Variants in CDH13 observed in about 807,000 individuals in gnomAD.
The protein encoded by CDH13 is cadherin-13.
A neutral mutation model predicts 63.8 loss-of-function variants in CDH13; 24 were observed. The ratio of observed to expected loss-of-function variants is 0.38; its 90% confidence interval spans 0.27 to 0.53. The LOEUF is 0.53. CDH13 is among the 20% of genes least tolerant of loss of function. The pLI, the probability that CDH13 is intolerant of heterozygous loss-of-function variation, is 0.85. For synonymous variants in CDH13, 503 were observed against 355.3 expected (o/e 1.42, Z -4.67); for missense variants, 1,049 against 903.1 (o/e 1.16, Z -2.07).
intron 5 of CDH13, among the ~76,000 whole-genome samples, chr16:83,333,805 T>C (rs947743380): frequency 1.3e-5 from 2 of 152,192 alleles, no homozygotes; most frequent in Non-Finnish European, 2.9e-5. Flanking sequence ...ACCTGTTGTT[T>C]CGGCTTCATT....
intron 2 of CDH13, among the ~76,000 whole-genome samples, chr16:82,971,438 C>T (rs1420153415): frequency 6.6e-6 from 1 of 152,180 alleles, no homozygotes; most frequent in Admixed American, 6.5e-5. Context: ...TTCCAACAAC[C>T]CTGTGAGATG....
At chr16:83,000,424 A>G (rs1367922701) in intron 2 of CDH13, among the ~76,000 whole-genome samples, 26 of 147,712 alleles carry the variant, frequency 1.8e-4, no homozygotes, top group Admixed American at 1.2e-3. Flanking sequence ...AATTTTTTGT[A>G]TTTGTCGTAG....
chr16:83,584,407 G>T (rs1905945375), intron 7 of CDH13, among the ~76,000 whole-genome samples: 2 of 152,166 alleles, frequency 1.3e-5, no homozygotes, highest in Admixed American at 6.5e-5. Flanking sequence ...ACTATCTATG[G>T]TTTATTGGGA....
intron 6 of CDH13, among the ~76,000 whole-genome samples, chr16:83,439,468 G>T (rs1373211524): frequency 6.6e-6 from 1 of 152,124 alleles, no homozygotes; most frequent in Non-Finnish European, 1.5e-5. Flanking sequence ...TTGGCGGAAG[G>T]GTCACAAAAC....
At chr16:83,354,069 G>C (rs1475032260) in intron 6 of CDH13, among the ~76,000 whole-genome samples, 1 of 152,224 alleles carries the variant, frequency 6.6e-6, no homozygotes, top group Admixed American at 6.5e-5. Context: ...CTTCAGAAAT[G>C]TAGTGATCAT....
intron 1 of CDH13, among the ~76,000 whole-genome samples, chr16:82,830,427 G>A (rs2038483175): frequency 6.6e-6 from 1 of 152,160 alleles, no homozygotes. Context: ...GAACAGTGTT[G>A]TTGTCACACT....
intron 1 of CDH13, among the ~76,000 whole-genome samples, chr16:82,804,234 A>G (rs2037026210): frequency 6.6e-6 from 1 of 151,756 alleles, no homozygotes; most frequent in South Asian, 2.1e-4. Flanking sequence ...CTCAAAAAAA[A>G]AAATGTGTTT....
intron 5 of CDH13, among the ~76,000 whole-genome samples, chr16:83,278,374 C>G (rs11642083): frequency 3.7e-4 from 57 of 152,310 alleles, no homozygotes; most frequent in African/African-American, 1.3e-3. Context: ...AAGGCACCTT[C>G]TAAGCTCCAA....
intron 3 of CDH13, among the ~76,000 whole-genome samples, chr16:83,086,691 C>T (rs1045001207): frequency 1.3e-5 from 2 of 152,124 alleles, no homozygotes; most frequent in Non-Finnish European, 2.9e-5. Context: ...GTATTTGCTC[C>T]AAGAAGTAAG....
Position 83,734,397 on chromosome 16 carries a change from T to A in CDH13, c.1539-13711T>A, listed in dbSNP as rs534076090. Among the ~76,000 whole-genome samples the A allele has an allele frequency of 1.8e-4, 27 of 152,182 alleles. No homozygotes were observed. The South Asian group carries it at 5.6e-3, about 32-fold the overall frequency. On this transcript the variant is annotated intron_variant, in intron 10 of 13. Transcript: ENST00000567109. The stretch of plus-strand genomic sequence containing the variant: ...CAAATCCATCTCTGAAATGAGGGGT[T>A]GATGCACCAGAGAGGAAATGTAACC...
intron 5 of CDH13, among the ~76,000 whole-genome samples, chr16:83,234,014 G>A (rs940755282): frequency 6.6e-6 from 1 of 152,204 alleles, no homozygotes; most frequent in African/African-American, 2.4e-5. Context: ...GGAAAGCAGG[G>A]ATGGATAATG....
At chr16:82,841,983 C>T (rs2039024474) in intron 1 of CDH13, among the ~76,000 whole-genome samples, 1 of 150,932 alleles carries the variant, frequency 6.6e-6, no homozygotes, top group African/African-American at 2.4e-5. Context: ...TCTTGGGGAG[C>T]TGGTCATTAA....
At chr16:83,699,998 C>T (rs973329958) in intron 10 of CDH13, among the ~76,000 whole-genome samples, 8 of 152,254 alleles carry the variant, frequency 5.3e-5, no homozygotes, top group African/African-American at 4.8e-5. Flanking sequence ...ACTCCCTTGA[C>T]GCTATCACCG....
intron 3 of CDH13, among the ~76,000 whole-genome samples, chr16:83,102,038 T>G (rs2151603203): frequency 6.6e-6 from 1 of 152,298 alleles, no homozygotes; most frequent in South Asian, 2.1e-4. Flanking sequence ...ACCAGGGTCC[T>G]TATGAGAGGG....
intron 2 of CDH13, among the ~76,000 whole-genome samples, chr16:82,978,063 C>G (rs1013107954): frequency 2.6e-5 from 4 of 152,244 alleles, no homozygotes; most frequent in Admixed American, 2.6e-4. Flanking sequence ...GCATTTTCCC[C>G]TGCCCTAGAG....
intron 6 of CDH13, among the ~76,000 whole-genome samples, chr16:83,372,018 C>T (rs1386269687): frequency 6.6e-6 from 1 of 152,186 alleles, no homozygotes; most frequent in African/African-American, 2.4e-5. Flanking sequence ...TTATTCAGTT[C>T]CACGTAAGTG....
At chr16:83,234,659 T>C (rs533978914) in intron 5 of CDH13, among the ~76,000 whole-genome samples, 105 of 152,292 alleles carry the variant, frequency 6.9e-4, no homozygotes, top group Admixed American at 1.4e-3. Context: ...GGGGGCATTG[T>C]TCTAGGCACA....
At chr16:82,885,608 T>C (rs2040861454) in intron 2 of CDH13, among the ~76,000 whole-genome samples, 1 of 152,116 alleles carries the variant, frequency 6.6e-6, no homozygotes, top group African/African-American at 2.4e-5. Context: ...TCCTTCTACC[T>C]TTTCTTCTAT....
At chr16:82,956,351 TC>T (rs774755873) in intron 2 of CDH13, among the ~76,000 whole-genome samples, 21 of 150,896 alleles carry the variant, frequency 1.4e-4, no homozygotes, top group Non-Finnish European at 2.8e-4. Context: ...CTAATTCTAG[TC>T]TTTAATATCT....
Sources: gnomAD v4.1 joint callset for allele counts (sites outside exome capture counted in the v4.1 genomes callset) on GRCh38, gnomAD v4.1.1 for gene constraint, MANE v1.5 for transcripts, NCBI Gene and HGNC (gene_info 2026-07-23, HGNC 2026-07-21) for gene names.